CARD14: variants seen among roughly 807,000 people sequenced by gnomAD.
CARD14 encodes the protein caspase recruitment domain-containing protein 14.
A neutral mutation model predicts 111.5 loss-of-function variants in CARD14; 107 were observed. The ratio of observed to expected loss-of-function variants is 0.96; its 90% CI spans 0.82 to 1.13. The LOEUF is 1.13. Ranked by LOEUF, CARD14 falls within the 50% of genes most tolerant of loss-of-function variation. CARD14 has a pLI of 0.00. For missense variants in CARD14, 1,322 were observed against 1,362.3 expected, an observed-to-expected ratio of 0.97 and a Z score of 0.47; for synonymous variants, 617 against 579.6, an observed-to-expected ratio of 1.06 and a Z score of -0.93.
At position 80,195,938 on chromosome 17, in the gene CARD14, C is replaced by G. The variant is rs1031521709; in HGVS notation, c.1594+286C>G. The G allele has an allele frequency of 5.0e-6, 2 of 399,680 alleles. No homozygotes were observed. Among genetic ancestry groups the G allele is most frequent in the Non-Finnish European group, 9.1e-6 (2 of 219,626 alleles). 24.8% of individuals were successfully genotyped at this position (399,680 alleles called of 1,614,324 possible). On this transcript the variant is annotated intron_variant, in intron 14 of 23. Transcript: ENST00000648509. The surrounding 1 kb of genome is among the most constrained non-coding windows in gnomAD (Gnocchi z 4.7). ...TCCACGCCCTGCTCAGCACCCAGCC[C>G]CCTGCTCTGATCTGTAACGCTTGGG...
intron 21 of CARD14, 78 bp from the exon 22 acceptor site, chr17:80,205,453 A>G: frequency 2.6e-6 from 4 of 1,534,524 alleles, no homozygotes; most frequent in Non-Finnish European, 3.5e-6. Flanking sequence ...GTTCACGGGG[A>G]CAGGGGTGTT....
At position 80,201,740 on chromosome 17, in the gene CARD14, T is replaced by A. The variant is rs1172493035; in HGVS notation, c.1852-4T>A. Reference sequence around the variant, plus strand: ...AGAGACTGACCTTCTCGACTTGCCCTCAGGTTGATTACGAAGCCTCAGAGC... The same window carrying A: ...AGAGACTGACCTTCTCGACTTGCCCACAGGTTGATTACGAAGCCTCAGAGC... On this transcript the variant is annotated splice_polypyrimidine_tract_variant and splice_region_variant and intron_variant, in intron 16 of 23. Transcript: ENST00000648509. This position sits in a 1 kb window ranked among gnomAD's most constrained non-coding sequence, Gnocchi z 5.0. The A allele has an allele frequency of 6.2e-7, 1 of 1,613,926 alleles. No homozygotes were observed. The highest frequency in any genetic ancestry group is 8.5e-7 in the Non-Finnish European group (1 of 1,179,946).
At chr17:80,183,451 G>GT (rs1294214652) in intron 6 of CARD14, among the ~76,000 whole-genome samples, 3 of 152,182 alleles carry the variant, frequency 2.0e-5, no homozygotes. Context: ...TCAGGATAAC[G>GT]TTAAAATGAG....
Position 80,208,463 on chromosome 17 carries a change from C to T in CARD14, c.*118C>T, listed in dbSNP as rs1279742037. 3 of 953,280 alleles carry T rather than the reference C, an allele frequency of 3.1e-6. No homozygotes were observed. The highest frequency in any genetic ancestry group is 5.6e-5 in the Admixed American group (2 of 35,836). The allele number at this position is 953,280 out of a possible 1,614,324, so 59.1% of individuals were successfully genotyped here. ...GGCTCCTTGGCACATGAGGCCGGCT[C>T]TCCCCACTGGCTGGGGTCTAACCTT... On this transcript the variant is annotated 3_prime_UTR_variant, in exon 24 of 24. Transcript: ENST00000648509.
Position 80,189,783 on chromosome 17 carries a change from G to A in CARD14, c.874G>A (p.Asp292Asn), listed in dbSNP as rs745721980. 3 of 1,586,838 alleles carry A rather than the reference G, an allele frequency of 1.9e-6. No homozygotes were observed. Among genetic ancestry groups the A allele is most frequent in the African/African-American group, 1.4e-5 (1 of 72,432 alleles). Residue 292 changes from aspartate (D) to asparagine (N), a missense_variant, in exon 9 of 24, where the codon GAC (aspartate) becomes AAC (asparagine). Physicochemically the swap from Asp to Asn is conservative, Grantham distance 23. Transcript: ENST00000648509. This position sits in a 1 kb window ranked among gnomAD's most constrained non-coding sequence, Gnocchi z 4.7. ...AEKDILEQSLDEARGSRQELV... is the reference protein window; with the variant it reads ...AEKDILEQSLNEARGSRQELV... ...GAAGGACATTCTGGAGCAGAGCCTG[G>A]ACGAGGCGCGGGGGAGCCGACAGGA...
chr17:80,192,418 G>T lies in CARD14; in HGVS notation c.1240-85G>T, dbSNP rs796532288. 3.6e-5 allele frequency: 33 copies of T among 920,494 alleles called. No homozygotes were observed. The African/African-American group carries it at 5.4e-4, about 15-fold the overall frequency. The allele number at this position is 920,494 out of a possible 1,614,324, so 57.0% of individuals were successfully genotyped here. A position where few individuals can be genotyped will look rare whatever the true frequency, so the allele number is the denominator to read the frequency against. ...GAAACTGCTGGGGAGGGTGAAATGG[G>T]TGGTGCTGACCTGGTAGAAACTCCA... is the stretch of plus-strand genomic sequence containing the variant. On this transcript the variant is annotated intron_variant, in intron 11 of 23. Transcript: ENST00000648509.
chr17:80,199,489 G>C (rs1462235776), intron 16 of CARD14, among the ~76,000 whole-genome samples: 1 of 144,550 alleles, frequency 6.9e-6, no homozygotes, highest in Non-Finnish European at 1.5e-5. Context: ...CTGAGCCCAG[G>C]AGATTGAGGC....
At chr17:80,204,032 C>T (rs991117930) in intron 19 of CARD14, 147 bp downstream of exon 19, 5 of 809,754 alleles carry the variant, frequency 6.2e-6, no homozygotes, top group Non-Finnish European at 9.7e-6. Context: ...CCCCTTCAAA[C>T]CAGGGCAGGG....
intron 1 of CARD14, 37 bp from the exon 2 acceptor site, chr17:80,172,869 A>ATTTTTTTTTTTTTTT (rs1265606234): frequency 1.1e-5 from 1 of 94,466 alleles, no homozygotes; most frequent in Non-Finnish European, 2.4e-5. Flanking sequence ...TATTCTAAAC[A>ATTTTTTTTTTTTTTT]TTCTTTTTTT....
At chr17:80,184,350 T>C (rs2040274506) in intron 7 of CARD14, 112 bp downstream of exon 7, 2 of 938,484 alleles carry the variant, frequency 2.1e-6, no homozygotes, top group Non-Finnish European at 3.0e-6. Context: ...TGTCTAACAC[T>C]TCCCTGCCCC....
rs1026575088 is a variant in CARD14, at chr17:80,181,730, G to A, written c.211+81G>A. ...CCACTGTCTGCCTCTGTCTTCAGGG[G>A]GTCTCTTCTCGTCCTGTCTCTTATA... is the stretch of plus-strand genomic sequence containing the variant. On this transcript the variant is annotated intron_variant, in intron 5 of 23. Coordinates refer to ENST00000648509, the MANE Select transcript of CARD14 (RefSeq NM_001366385.1). 9 of 1,300,276 alleles carry A rather than the reference G, an allele frequency of 6.9e-6. No individual in the cohort carries two copies. In the African/African-American group the frequency reaches 1.2e-4, roughly 17 times the overall value. The allele number at this position is 1,300,276 out of a possible 1,614,324, so 80.5% of individuals were successfully genotyped here.
intron 23 of CARD14, 83 bp from the exon 24 acceptor site, chr17:80,208,055 G>A: frequency 9.4e-7 from 1 of 1,058,742 alleles, no homozygotes. Context: ...GGGTGTTTGG[G>A]TGCATGTCAT....
chr17:80,179,883 A>T (rs753509050), intron 4 of CARD14, among the ~76,000 whole-genome samples: 1 of 152,120 alleles, frequency 6.6e-6, no homozygotes, highest in Non-Finnish European at 1.5e-5. Context: ...AGAGGGAGGG[A>T]AGAGGGACTG....
intron 7 of CARD14, among the ~76,000 whole-genome samples, chr17:80,185,831 T>C (rs2040327078): frequency 6.6e-6 from 1 of 152,214 alleles, no homozygotes. Context: ...GTTTGTCTTG[T>C]GTTTCCCACA....
In CARD14 at chr17:80,190,824, G is replaced by A. The variant is rs780550585; in HGVS notation, c.1014G>A (p.Met338Ile). 3.7e-6 allele frequency: 6 copies of A among 1,614,096 alleles called. No individual in the cohort carries two copies. The Admixed American group carries it at 8.3e-5, about 22-fold the overall frequency. The change falls in exon 10 of 24, where the codon ATG (methionine) becomes ATA (isoleucine). Residue 338 changes from methionine (M) to isoleucine (I), a missense_variant. Physicochemically the swap from Met to Ile is conservative, Grantham distance 10. Transcript: ENST00000648509. ...TGCTGCAGTTCCAGAAGAGTAAGAT[G>A]GCCTGCCAACTCTACAGGGAGAAGG... ...QTLLQFQKSK[M>I]ACQLYREKVN...
intron 6 of CARD14, among the ~76,000 whole-genome samples, chr17:80,183,684 G>A (rs1233005655): frequency 6.6e-6 from 1 of 152,044 alleles, no homozygotes; most frequent in Non-Finnish European, 1.5e-5. Flanking sequence ...TGGGGGCATG[G>A]GAGTCATGCC....
intron 4 of CARD14, among the ~76,000 whole-genome samples, chr17:80,180,055 A>C (rs967146208): frequency 5.9e-5 from 9 of 152,154 alleles, no homozygotes; most frequent in Non-Finnish European, 1.2e-4. Flanking sequence ...AACATTTTAA[A>C]ATTATTTAGA....
At chr17:80,207,444 G>A (rs1336155290) in intron 23 of CARD14, among the ~76,000 whole-genome samples, 1 of 152,098 alleles carries the variant, frequency 6.6e-6, no homozygotes, top group East Asian at 1.9e-4. Flanking sequence ...CCAGCTACTC[G>A]GGAGGCTGAG....
At chr17:80,204,838 C>G (rs1350454752) in intron 20 of CARD14, 197 bp from the exon 21 acceptor site, 8 of 550,436 alleles carry the variant, frequency 1.5e-5, no homozygotes, top group Non-Finnish European at 2.2e-5. Context: ...AGCTGTGTAA[C>G]CCCCGTGCAA....
Sources: allele counts gnomAD v4.1 joint callset (sites outside exome capture counted in the v4.1 genomes callset), GRCh38; gene constraint gnomAD v4.1.1; non-coding constraint Gnocchi (gnomAD v3.1); transcripts MANE v1.5; gene names NCBI Gene and HGNC (gene_info 2026-07-23, HGNC 2026-07-21).